PDE4D: variants seen among roughly 807,000 people sequenced by gnomAD.
The protein encoded by PDE4D is phosphodiesterase 4D, also known as 3',5'-cyclic-AMP phosphodiesterase 4D.
In PDE4D, 24 loss-of-function variants were observed where a neutral mutation model predicts 87.4. The observed-to-expected ratio is 0.27, with a 90% CI of 0.20 to 0.39. The LOEUF (loss-of-function observed/expected upper bound fraction) is 0.39. Ranked by LOEUF, PDE4D falls within the 10% of genes least tolerant of loss-of-function variation. The pLI is 1.00. For missense variants in PDE4D, 714 were observed against 1,041.0 expected, an observed-to-expected ratio of 0.69 and a Z score of 4.32; for synonymous variants, 384 against 383.2, an observed-to-expected ratio of 1.00 and a Z score of -0.02.
intron 6 of PDE4D, among the ~76,000 whole-genome samples, chr5:59,024,432 C>T (rs747403611): frequency 3.3e-5 from 5 of 151,240 alleles, no homozygotes; most frequent in Admixed American, 1.3e-4. Context: ...CTCCTGACCG[C>T]GTGATCTGCT....
intron 1 of PDE4D, among the ~76,000 whole-genome samples, chr5:60,415,541 G>A (rs1410461185): frequency 2.6e-5 from 4 of 152,226 alleles, no homozygotes; most frequent in African/African-American, 4.8e-5. Flanking sequence ...TGGTGGGCCC[G>A]CACTGGGAGC....
chr5:59,851,221 A>T (rs1321684174), intron 1 of PDE4D, among the ~76,000 whole-genome samples: 1 of 152,018 alleles, frequency 6.6e-6, no homozygotes, highest in African/African-American at 2.4e-5. Context: ...TTAGAAGCAC[A>T]TCCTCCAGCC....
chr5:59,568,562 A>C (rs1274235435), intron 1 of PDE4D, among the ~76,000 whole-genome samples: 1 of 151,026 alleles, frequency 6.6e-6, no homozygotes. Flanking sequence ...CACCTCGATC[A>C]GGTGATCAAG....
At chr5:59,444,607 A>T (rs1482257829) in intron 1 of PDE4D, among the ~76,000 whole-genome samples, 10 of 151,930 alleles carry the variant, frequency 6.6e-5, no homozygotes, top group Non-Finnish European at 1.0e-4. Context: ...GGTCAGGAGA[A>T]CGAGACCATC....
intron 1 of PDE4D, among the ~76,000 whole-genome samples, chr5:60,236,038 C>G (rs1746388110): frequency 6.6e-6 from 1 of 151,794 alleles, no homozygotes. Flanking sequence ...TACAGACATT[C>G]ACAGACAAAT....
At chr5:59,946,070 G>A (rs1245123375) in intron 3 of PDE4D, among the ~76,000 whole-genome samples, 1 of 152,166 alleles carries the variant, frequency 6.6e-6, no homozygotes, top group Non-Finnish European at 1.5e-5. Flanking sequence ...AGATCATAAT[G>A]TGTGGTCTCC....
At chr5:60,253,047 G>A (rs527518212) in intron 1 of PDE4D, among the ~76,000 whole-genome samples, 1 of 151,852 alleles carries the variant, frequency 6.6e-6, no homozygotes, top group South Asian at 2.1e-4. Flanking sequence ...ACCAGCAACG[G>A]TCACTATTAG....
intron 1 of PDE4D, among the ~76,000 whole-genome samples, chr5:60,348,749 T>C (rs1224747714): frequency 2.0e-5 from 3 of 152,104 alleles, no homozygotes; most frequent in African/African-American, 7.2e-5. Context: ...TAACTGAACA[T>C]ATATTTTAAA....
At chr5:59,172,961 A>C (rs926742195) in intron 5 of PDE4D, 2 of 152,098 alleles carry the variant, frequency 1.3e-5, no homozygotes, top group African/African-American at 4.8e-5. Context: ...TCTGAGTACC[A>C]AGTACTATGT....
At chr5:59,917,413 C>T (rs1754187429) in intron 3 of PDE4D, among the ~76,000 whole-genome samples, 1 of 152,116 alleles carries the variant, frequency 6.6e-6, no homozygotes, top group African/African-American at 2.4e-5. Context: ...AAGAACTTTG[C>T]AGGGCACTGA....
intron 6 of PDE4D, among the ~76,000 whole-genome samples, chr5:59,007,799 G>A (rs10070588): frequency 0.1 from 15,318 of 151,916 alleles, 1,027 homozygotes; most frequent in Non-Finnish European, 0.13. Context: ...ATCTGAACAA[G>A]CTGAGAATCG....
At chr5:59,733,579 C>T (rs899524039) in intron 1 of PDE4D, among the ~76,000 whole-genome samples, 2 of 152,188 alleles carry the variant, frequency 1.3e-5, no homozygotes, top group Admixed American at 1.3e-4. Context: ...ATGTTATCTG[C>T]TGTGCTGAAA....
At chr5:59,375,857 T>C (rs910666422) in intron 1 of PDE4D, among the ~76,000 whole-genome samples, 1 of 152,222 alleles carries the variant, frequency 6.6e-6, no homozygotes, top group African/African-American at 2.4e-5. Flanking sequence ...GTAGGCTTCA[T>C]CCTTGAGATG....
intron 1 of PDE4D, among the ~76,000 whole-genome samples, chr5:59,663,167 G>C (rs1376492570): frequency 6.7e-6 from 1 of 148,556 alleles, no homozygotes; most frequent in East Asian, 2.0e-4. Flanking sequence ...ATTTTTCTTT[G>C]TTTTTTTTTT....
intron 1 of PDE4D, among the ~76,000 whole-genome samples, chr5:59,806,506 C>T (rs1767751372): frequency 6.6e-6 from 1 of 152,162 alleles, no homozygotes. Context: ...AGCCATTGTT[C>T]TAATGGATTT....
chr5:59,191,226 A>T (rs980561744), intron 3 of PDE4D, among the ~76,000 whole-genome samples: 1 of 152,124 alleles, frequency 6.6e-6, no homozygotes. Context: ...ACTACAGAAA[A>T]TATCTAATCA....
At chr5:60,317,297 A>G (rs144398497) in intron 1 of PDE4D, among the ~76,000 whole-genome samples, 13,387 of 151,978 alleles carry the variant, frequency 0.088, 1,925 homozygotes, top group African/African-American at 0.31. Context: ...AGTATTCTCT[A>G]ACGGTAGTTT....
At chr5:59,176,619 A>G (rs1362254262) in intron 5 of PDE4D, among the ~76,000 whole-genome samples, 1 of 152,212 alleles carries the variant, frequency 6.6e-6, no homozygotes, top group African/African-American at 2.4e-5. Context: ...ATAACCTTGA[A>G]AAGAGGAAGA....
intron 1 of PDE4D, among the ~76,000 whole-genome samples, chr5:59,792,340 T>A (rs1472927016): frequency 6.6e-6 from 1 of 152,046 alleles, no homozygotes; most frequent in Admixed American, 6.6e-5. Flanking sequence ...TACTTTTATT[T>A]TTTTTCATTT....
Sources: allele counts gnomAD v4.1 joint callset (sites outside exome capture counted in the v4.1 genomes callset), GRCh38; gene constraint gnomAD v4.1.1; transcripts MANE v1.5; gene names NCBI Gene and HGNC (gene_info 2026-07-23, HGNC 2026-07-21).